Variants in CCDC66 observed in about 807,000 individuals in gnomAD.
CCDC66 encodes the protein coiled-coil domain containing 66, also known as coiled-coil domain-containing protein 66.
A neutral mutation model predicts 128.3 loss-of-function variants in CCDC66; 133 were observed. That is an observed-to-expected ratio of 1.04 (90% confidence interval 0.90 to 1.20). The LOEUF is 1.20. CCDC66 is among the 50% of genes most tolerant of loss of function. The pLI is 0.00. For missense variants in CCDC66, 1,126 were observed against 1,075.5 expected (o/e 1.05, Z -0.66); for synonymous variants, 387 against 357.0 (o/e 1.08, Z -0.95).
At chr3:56,600,129 A>G (rs1471365570) in intron 10 of CCDC66, among the ~76,000 whole-genome samples, 1 of 149,000 alleles carries the variant, frequency 6.7e-6, no homozygotes, top group Non-Finnish European at 1.5e-5. Context: ...GTGCTGCAAT[A>G]AACATACATG....
At chr3:56,565,753 G>A (rs879792428) in intron 4 of CCDC66, among the ~76,000 whole-genome samples, 5 of 151,018 alleles carry the variant, frequency 3.3e-5, no homozygotes, top group African/African-American at 7.3e-5. Context: ...TGCAAGCTCC[G>A]CCTCCCAGGT....
chr3:56,618,403 A>G (rs1578071988), intron 15 of CCDC66, 191 bp downstream of exon 15: 2 of 534,358 alleles, frequency 3.7e-6, no homozygotes, highest in Non-Finnish European at 6.7e-6. Flanking sequence ...CCCAAGTTGG[A>G]CTGGGCCTAG....
chr3:56,617,531 G>A lies in CCDC66; in HGVS notation c.2263G>A (p.Gly755Ser), dbSNP rs1180888035. 6.2e-7 allele frequency: 1 copy of A among 1,611,788 alleles called. No individual in the cohort carries two copies. Residue 755 changes from glycine (G) to serine (S), a missense_variant, in exon 14 of 18, where the codon GGC (glycine) becomes AGC (serine). Transcript: ENST00000394672. ...TCCTGGGCACCTCTCTCAAAACAGA[G>A]GCATTTCACCAGAAATTTTTCATTC... Reference protein sequence around the residue: ...NNPGHLSQNRGISPEIFHSSH... With the variant: ...NNPGHLSQNRSISPEIFHSSH...
intron 10 of CCDC66, among the ~76,000 whole-genome samples, chr3:56,607,355 C>T (rs942195115): frequency 4.6e-5 from 7 of 152,044 alleles, no homozygotes; most frequent in Non-Finnish European, 7.4e-5. Flanking sequence ...AGAGGTCTTT[C>T]GACTCCTTTG....
chr3:56,566,527 C>A, intron 4 of CCDC66, 67 bp from the exon 5 acceptor site: 1 of 1,029,120 alleles, frequency 9.7e-7, no homozygotes, highest in Non-Finnish European at 1.5e-6. Context: ...AACTGTATAG[C>A]ACTATGCCAA....
rs1160733868 is a variant in CCDC66, at chr3:56,575,047, G to T, written c.936+3745G>T. Among the ~76,000 whole-genome samples, 9 of 151,548 alleles carry T rather than the reference G, an allele frequency of 5.9e-5. No individual in the cohort carries two copies. The East Asian group carries it at 1.8e-3, about 30-fold the overall frequency. On this transcript the variant is annotated intron_variant, in intron 7 of 17. Coordinates refer to ENST00000394672, the MANE Select transcript of CCDC66 (RefSeq NM_001141947.3). ...TTGAGTTCCTGCTTCAATTCTTTTG[G>T]GTGTGTACTCAGAATTGGAATTGCA...
chr3:56,578,498 G>A (rs2067769235), intron 7 of CCDC66, among the ~76,000 whole-genome samples: 1 of 151,702 alleles, frequency 6.6e-6, no homozygotes, highest in African/African-American at 2.4e-5. Context: ...TTTTTCAAAG[G>A]GAACGCTTCC....
At chr3:56,578,524 A>G (rs1387199184) in intron 7 of CCDC66, among the ~76,000 whole-genome samples, 1 of 151,858 alleles carries the variant, frequency 6.6e-6, no homozygotes, top group African/African-American at 2.4e-5. Flanking sequence ...TCGTCCATTC[A>G]GTACGATATT....
chr3:56,610,808 T>G (rs920157200), intron 10 of CCDC66, among the ~76,000 whole-genome samples: 1 of 152,220 alleles, frequency 6.6e-6, no homozygotes, highest in Non-Finnish European at 1.5e-5. Flanking sequence ...TGTTGCTTCC[T>G]GTGAGCCTAA....
In CCDC66 at chr3:56,621,531, G is replaced by A. The variant is rs4527349; in HGVS notation, c.2761-1G>A. On this transcript the variant is annotated splice_acceptor_variant, in intron 17 of 17. Transcript: ENST00000394672. LOFTEE classifies it high-confidence loss of function. ...ACAAACATATATCAATGTGATTTCA[G>A]GGCCTTCTCCAGAAGCAAAAGGAGT... The A allele has an allele frequency of 5.1e-6, 8 of 1,581,266 alleles. No homozygotes were observed. The highest frequency in any genetic ancestry group is 6.9e-6 in the Non-Finnish European group (8 of 1,164,142).
chr3:56,584,352 A>G (rs1179555369), intron 7 of CCDC66, among the ~76,000 whole-genome samples: 37 of 89,836 alleles, frequency 4.1e-4, no homozygotes, highest in African/African-American at 6.5e-4. Flanking sequence ...GCTGCCGGGT[A>G]GAGGGGCTCC....
chr3:56,614,573 G>A (rs1437626547), intron 11 of CCDC66, among the ~76,000 whole-genome samples: 1 of 152,176 alleles, frequency 6.6e-6, no homozygotes, highest in Non-Finnish European at 1.5e-5. Context: ...ATGTATGGTG[G>A]TGGTACCATA....
chr3:56,592,840 GT>G, intron 7 of CCDC66, 129 bp from the exon 8 acceptor site: 1 of 846,972 alleles, frequency 1.2e-6, no homozygotes, highest in Non-Finnish European at 1.9e-6. Flanking sequence ...TTCGTTTGAA[GT>G]TATTGCTCCT....
intron 6 of CCDC66, among the ~76,000 whole-genome samples, chr3:56,567,345 G>A (rs542536534): frequency 2.6e-5 from 4 of 152,298 alleles, no homozygotes; most frequent in African/African-American, 4.8e-5. Flanking sequence ...AGCCAAGATC[G>A]TGCCACTGCA....
chr3:56,585,577 A>G (rs1451921854), intron 7 of CCDC66, among the ~76,000 whole-genome samples: 1 of 151,882 alleles, frequency 6.6e-6, no homozygotes, highest in Non-Finnish European at 1.5e-5. Flanking sequence ...ATTTGAAGGT[A>G]TATCATAATA....
chr3:56,607,443 C>T (rs1046353733), intron 10 of CCDC66, among the ~76,000 whole-genome samples: 16 of 151,938 alleles, frequency 1.1e-4, no homozygotes, highest in African/African-American at 3.9e-4. Flanking sequence ...TCTGCTTGGT[C>T]GCTGTTGGTA....
intron 10 of CCDC66, among the ~76,000 whole-genome samples, chr3:56,603,424 G>A (rs2073563770): frequency 6.6e-6 from 1 of 151,996 alleles, no homozygotes; most frequent in African/African-American, 2.4e-5. Context: ...TGGGCATTTA[G>A]TGCTATAAAT....
chr3:56,595,155 A>G (rs1428839451), intron 10 of CCDC66, among the ~76,000 whole-genome samples: 1 of 152,226 alleles, frequency 6.6e-6, no homozygotes, highest in Non-Finnish European at 1.5e-5. Flanking sequence ...TAGGATACAT[A>G]TGATATTTTG....
At chr3:56,563,030 C>G (rs2065306828) in intron 3 of CCDC66, among the ~76,000 whole-genome samples, 1 of 152,016 alleles carries the variant, frequency 6.6e-6, no homozygotes, top group Non-Finnish European at 1.5e-5. Context: ...GTGAAGTGAG[C>G]TGATATTAAA....
Sources: allele counts gnomAD v4.1 joint callset (sites outside exome capture counted in the v4.1 genomes callset), GRCh38; gene constraint gnomAD v4.1.1; transcripts MANE v1.5; gene names NCBI Gene and HGNC (gene_info 2026-07-23, HGNC 2026-07-21).